The following TOX variants were observed in gnomAD, a reference collection of about 807,000 sequenced individuals.
TOX encodes the protein thymocyte selection associated high mobility group box.
In TOX, 11 loss-of-function variants were observed where a neutral mutation model predicts 53.7. That is an observed-to-expected ratio of 0.20 (90% CI 0.13 to 0.34). The LOEUF is 0.34. Among genes scored for constraint, TOX ranks in the 10% least tolerant of loss-of-function variants. The probability of loss-of-function intolerance (pLI) is 1.00; values close to 1 mark genes in which losing one functional copy is unlikely to be tolerated. For synonymous variants in TOX, 225 were observed against 245.3 expected, an observed-to-expected ratio of 0.92 and a Z score of 0.77; for missense variants, 570 against 664.6, an observed-to-expected ratio of 0.86 and a Z score of 1.56.
intron 1 of TOX, among the ~76,000 whole-genome samples, chr8:59,109,685 A>G (rs1027257693): frequency 1.3e-5 from 2 of 152,150 alleles, no homozygotes; most frequent in African/African-American, 4.8e-5. Context: ...TTGAAATATA[A>G]TGTTGGTTAT....
intron 3 of TOX, among the ~76,000 whole-genome samples, chr8:58,910,833 T>C (rs1811898090): frequency 1.3e-5 from 2 of 152,166 alleles, no homozygotes; most frequent in Admixed American, 6.5e-5. Context: ...TTTGCTCTAG[T>C]ATGGAGCTAT....
At position 58,924,948 on chromosome 8, in the gene TOX, G is replaced by A. The variant is rs78399782; in HGVS notation, c.411+14354C>T. On this transcript the variant is annotated intron_variant, in intron 3 of 8. Transcript: ENST00000361421. ...ACACAATCATTAGAGAACAATGCGA[G>A]AGAATGTGGGGTGGAGTTTGACTCC... is the stretch of plus-strand genomic sequence containing the variant. Among the ~76,000 whole-genome samples the A allele has an allele frequency of 3.6e-3, 543 of 152,272 alleles. 30 individuals are homozygous for A. The East Asian group carries it at 0.091, about 25-fold the overall frequency.
chr8:58,867,389 G>A (rs1224627592), intron 3 of TOX, among the ~76,000 whole-genome samples: 4 of 152,180 alleles, frequency 2.6e-5, no homozygotes, highest in Admixed American at 6.5e-5. Context: ...ATAAGCAGGC[G>A]CTGTCCCCAT....
chr8:59,084,153 G>T (rs1421640264), intron 1 of TOX, among the ~76,000 whole-genome samples: 3 of 152,040 alleles, frequency 2.0e-5, no homozygotes, highest in African/African-American at 4.8e-5. Context: ...CATTCACTGG[G>T]TTTATAAAAA....
At chr8:59,092,206 C>T (rs943751695) in intron 1 of TOX, among the ~76,000 whole-genome samples, 33 of 143,836 alleles carry the variant, frequency 2.3e-4, no homozygotes, top group Admixed American at 1.8e-3. Context: ...GAGTCGAGAT[C>T]GCGCCACTGC....
chr8:58,819,483 G>A (rs1408397486), intron 6 of TOX, among the ~76,000 whole-genome samples: 2 of 152,164 alleles, frequency 1.3e-5, no homozygotes, highest in African/African-American at 4.8e-5. Flanking sequence ...ACAGATTCTG[G>A]AAGATATTTT....
intron 3 of TOX, among the ~76,000 whole-genome samples, chr8:58,857,012 G>A (rs1172237277): frequency 6.6e-6 from 1 of 152,130 alleles, no homozygotes; most frequent in Non-Finnish European, 1.5e-5. Context: ...CACCCTAACA[G>A]ATTATAAACT....
chr8:58,909,104 G>A (rs1223677031), intron 3 of TOX, among the ~76,000 whole-genome samples: 1 of 152,156 alleles, frequency 6.6e-6, no homozygotes. Context: ...ATTACCTAGG[G>A]AATTTTTTGA....
chr8:58,878,758 C>T (rs956602278), intron 3 of TOX, among the ~76,000 whole-genome samples: 22 of 152,078 alleles, frequency 1.4e-4, no homozygotes, highest in African/African-American at 4.6e-4. Flanking sequence ...CAGATCATCA[C>T]GTAAGAATTG....
intron 3 of TOX, among the ~76,000 whole-genome samples, chr8:58,919,066 A>G (rs1812028194): frequency 6.7e-6 from 1 of 148,194 alleles, no homozygotes. Flanking sequence ...GGACACAAAC[A>G]AATGGAAGAA....
intron 1 of TOX, among the ~76,000 whole-genome samples, chr8:59,087,242 T>C (rs1804528208): frequency 6.6e-6 from 1 of 152,182 alleles, no homozygotes. Context: ...AGGGAGAAGC[T>C]GGCATGCCCA....
At chr8:59,022,860 A>G (rs1183057835) in intron 1 of TOX, among the ~76,000 whole-genome samples, 1 of 152,172 alleles carries the variant, frequency 6.6e-6, no homozygotes, top group Non-Finnish European at 1.5e-5. Context: ...TGCCTAGACA[A>G]ATGCTGTCTT....
At chr8:58,869,362 T>G (rs192038697) in intron 3 of TOX, among the ~76,000 whole-genome samples, 1 of 151,752 alleles carries the variant, frequency 6.6e-6, no homozygotes, top group African/African-American at 2.4e-5. Context: ...GAAACTGACA[T>G]CCCAAATAAT....
At chr8:59,090,858 C>A (rs951107003) in intron 1 of TOX, among the ~76,000 whole-genome samples, 1 of 152,088 alleles carries the variant, frequency 6.6e-6, no homozygotes, top group African/African-American at 2.4e-5. Flanking sequence ...AACAAATCAA[C>A]CACCTTCTGC....
At chr8:59,038,221 A>G (rs1324744569) in intron 1 of TOX, among the ~76,000 whole-genome samples, 1 of 152,184 alleles carries the variant, frequency 6.6e-6, no homozygotes, top group Non-Finnish European at 1.5e-5. Flanking sequence ...TTAACATATC[A>G]TTTTTCTATA....
chr8:58,940,589 A>G (rs1355355920), intron 2 of TOX, among the ~76,000 whole-genome samples: 2 of 152,206 alleles, frequency 1.3e-5, no homozygotes, highest in Non-Finnish European at 2.9e-5. Flanking sequence ...AATTCTCGCA[A>G]GCTTATCTTT....
chr8:58,886,470 T>C (rs972317702), intron 3 of TOX, among the ~76,000 whole-genome samples: 4 of 152,116 alleles, frequency 2.6e-5, no homozygotes, highest in African/African-American at 9.7e-5. Context: ...TGTATGTGTC[T>C]GAAGTGGACT....
At chr8:59,040,260 C>T (rs902283290) in intron 1 of TOX, among the ~76,000 whole-genome samples, 7 of 132,858 alleles carry the variant, frequency 5.3e-5, no homozygotes, top group Non-Finnish European at 9.3e-5. Context: ...ACCCGGGAGG[C>T]GGAGCTTGCA....
intron 3 of TOX, among the ~76,000 whole-genome samples, chr8:58,852,761 C>T (rs1168594810): frequency 6.6e-6 from 1 of 151,832 alleles, no homozygotes; most frequent in African/African-American, 2.4e-5. Flanking sequence ...GTAGAGGGCA[C>T]ACAAAACAAG....
Sources: gnomAD v4.1 joint callset for allele counts (sites outside exome capture counted in the v4.1 genomes callset) on GRCh38, gnomAD v4.1.1 for gene constraint, MANE v1.5 for transcripts, NCBI Gene and HGNC (gene_info 2026-07-23, HGNC 2026-07-21) for gene names.